The following GCNT2 variants were observed in gnomAD, a reference collection of about 807,000 sequenced individuals.
GCNT2 encodes the protein N-acetyllactosaminide beta-1,6-N-acetylglucosaminyl-transferase.
GCNT2 carries 34 observed loss-of-function variants against 34.2 expected under a neutral mutation model. The observed-to-expected ratio is 1.00, with a 90% CI of 0.76 to 1.32. The LOEUF (loss-of-function observed/expected upper bound fraction) is 1.32. Ranked by LOEUF, GCNT2 falls within the 40% of genes most tolerant of loss-of-function variation. GCNT2 has a pLI of 0.00. For missense variants in GCNT2, 584 were observed against 489.4 expected (o/e 1.19, Z -1.82); for synonymous variants, 212 against 188.0 (o/e 1.13, Z -1.04).
At chr6:10,585,784 C>T in intron 3 of GCNT2, 2 of 1,433,616 alleles carry the variant, frequency 1.4e-6, no homozygotes, top group Middle Eastern at 5.0e-4. Context: ...GAGAGGGACG[C>T]ACCGCATCTC....
intron 3 of GCNT2, among the ~76,000 whole-genome samples, chr6:10,598,076 T>G (rs1279673364): frequency 6.6e-6 from 1 of 152,186 alleles, no homozygotes; most frequent in African/African-American, 2.4e-5. Context: ...AGTTTCCTCA[T>G]GTGTAAAATG....
intron 3 of GCNT2, among the ~76,000 whole-genome samples, chr6:10,592,040 C>T (rs979947657): frequency 2.0e-5 from 3 of 152,134 alleles, no homozygotes; most frequent in East Asian, 3.9e-4. Context: ...TGATTGGACC[C>T]GTGACTGAGA....
intron 3 of GCNT2, among the ~76,000 whole-genome samples, chr6:10,613,079 A>G (rs866891768): frequency 5.9e-5 from 9 of 152,364 alleles, no homozygotes; most frequent in Middle Eastern, 3.4e-3. Context: ...TAAAAAGTAT[A>G]TATGTGAGCT....
chr6:10,552,439 C>A (rs1453092597), intron 3 of GCNT2, among the ~76,000 whole-genome samples: 1 of 151,936 alleles, frequency 6.6e-6, no homozygotes. Context: ...TCCTTGGATT[C>A]GACCTTGGGC....
At position 10,529,671 on chromosome 6, in the gene GCNT2, C is replaced by T. The variant is rs1340124791; in HGVS notation, c.760C>T (p.Pro254Ser). ...VIKTTKLKTP[P>S]PHDMVIYFGT... ...TAAAACAACAAAATTAAAAACTCCT[C>T]CTCCTCATGACATGGTGATTTACTT... The change falls in exon 3 of 5, where the codon CCT becomes TCT. Residue 254 changes from proline (P) to serine (S), a missense_variant. Transcript: ENST00000495262. The T allele has an allele frequency of 6.2e-7, 1 of 1,613,980 alleles. No individual in the cohort carries two copies. Among genetic ancestry groups the T allele is most frequent in the Admixed American group, 1.7e-5 (1 of 59,992 alleles).
intron 3 of GCNT2, among the ~76,000 whole-genome samples, chr6:10,617,722 C>T (rs890396761): frequency 6.6e-6 from 1 of 150,828 alleles, no homozygotes; most frequent in Non-Finnish European, 1.5e-5. Flanking sequence ...GCATGGGCCA[C>T]TGCACCTGGC....
At chr6:10,558,230 T>G (rs1762812301) in intron 3 of GCNT2, among the ~76,000 whole-genome samples, 1 of 152,228 alleles carries the variant, frequency 6.6e-6, no homozygotes, top group Non-Finnish European at 1.5e-5. Context: ...TCTCATTAAC[T>G]GCTCCTCAGT....
intron 3 of GCNT2, among the ~76,000 whole-genome samples, chr6:10,590,911 C>T (rs1406984283): frequency 1.3e-5 from 2 of 152,172 alleles, no homozygotes; most frequent in Admixed American, 6.5e-5. Context: ...GAATGTCCTT[C>T]GTGTTTGATG....
At chr6:10,532,750 C>G (rs1336049483) in intron 3 of GCNT2, among the ~76,000 whole-genome samples, 1 of 152,034 alleles carries the variant, frequency 6.6e-6, no homozygotes, top group East Asian at 1.9e-4. Flanking sequence ...TCGGGCAAGC[C>G]CTGCCAACTC....
chr6:10,612,346 G>C (rs2127436612), intron 3 of GCNT2, among the ~76,000 whole-genome samples: 2 of 152,232 alleles, frequency 1.3e-5, no homozygotes, highest in South Asian at 4.2e-4. Context: ...TTGCACCTGA[G>C]GGGACATTTG....
chr6:10,567,838 C>T (rs1473546893), intron 3 of GCNT2, among the ~76,000 whole-genome samples: 1 of 152,176 alleles, frequency 6.6e-6, no homozygotes, highest in Non-Finnish European at 1.5e-5. Flanking sequence ...TTTGACTTTG[C>T]CCTCGAACTC....
rs1428111393 is a variant in GCNT2 at position 10,628,277 on chromosome 6, T to C, written c.*1670T>C. On this transcript the variant is annotated 3_prime_UTR_variant, in exon 5 of 5. Transcript: ENST00000495262. ...AAACCGTTGAGTTTCTAAATATTTA[T>C]TTATTCTAACAAAAAGCAATTACTA... 1 of 152,660 alleles carries C rather than the reference T, an allele frequency of 6.6e-6. No homozygotes were observed. Among genetic ancestry groups the C allele is most frequent in the Non-Finnish European group, 1.5e-5 (1 of 68,036 alleles). 9.5% of individuals were successfully genotyped at this position (152,660 alleles called of 1,614,324 possible).
chr6:10,585,484 C>A (rs1764303507), intron 3 of GCNT2, among the ~76,000 whole-genome samples: 1 of 152,054 alleles, frequency 6.6e-6, no homozygotes, highest in African/African-American at 2.4e-5. Context: ...CTAAGGACTG[C>A]CAGCAGGTTG....
chr6:10,568,414 A>C (rs143603670), intron 3 of GCNT2, among the ~76,000 whole-genome samples: 17 of 151,568 alleles, frequency 1.1e-4, no homozygotes, highest in Admixed American at 1.1e-3. Flanking sequence ...AGCAAGTTCT[A>C]CCCTTCCTGT....
Position 10,529,434 on chromosome 6 carries a change from GA to G in GCNT2, c.525del (p.Asp176ThrfsTer22), listed in dbSNP as rs1276080630. On this transcript the variant is annotated frameshift_variant, in exon 3 of 5. Transcript: ENST00000495262. LOFTEE classifies it high-confidence loss of function. ...SRLQADLNCL[E>X]DLVASEVPWK... ...GCTCCAGGCTGACCTGAACTGCCTGGAAGACCTTGTGGCCTCTGAAGTTCCC... is the reference window on the plus strand; with the variant it reads ...GCTCCAGGCTGACCTGAACTGCCTGGAGACCTTGTGGCCTCTGAAGTTCCC... 16 of 1,614,024 alleles carry G rather than the reference GA, an allele frequency of 9.9e-6. No individual in the cohort carries two copies. The highest frequency in any genetic ancestry group is 1.4e-5 in the Non-Finnish European group (16 of 1,180,016).
At chr6:10,563,587 C>G (rs1454121248) in intron 3 of GCNT2, among the ~76,000 whole-genome samples, 1 of 150,956 alleles carries the variant, frequency 6.6e-6, no homozygotes, top group African/African-American at 2.4e-5. Flanking sequence ...ACTAAAAATA[C>G]AAAAATTAGC....
Position 10,544,432 on chromosome 6 carries a change from A to G in GCNT2, c.925+14596A>G, listed in dbSNP as rs572984300. Among the ~76,000 whole-genome samples, 356 of 150,276 alleles carry G rather than the reference A, an allele frequency of 2.4e-3. 2 individuals are homozygous for G. The highest frequency in any genetic ancestry group is 8.4e-3 in the African/African-American group (344 of 40,828). ...AGTCTGGCTAACTTGGTGAAACCCCATCTCTACTAAAAACGCAAAAAAATT... is the reference window on the plus strand; with the variant it reads ...AGTCTGGCTAACTTGGTGAAACCCCGTCTCTACTAAAAACGCAAAAAAATT... On this transcript the variant is annotated intron_variant, in intron 3 of 4. Coordinates refer to ENST00000495262, the MANE Select transcript of GCNT2 (RefSeq NM_145649.5).
intron 3 of GCNT2, among the ~76,000 whole-genome samples, chr6:10,551,498 T>G (rs1250256995): frequency 1.3e-5 from 2 of 151,360 alleles, no homozygotes; most frequent in East Asian, 3.9e-4. Flanking sequence ...CAGGCTGGAG[T>G]GCAACGGCAC....
chr6:10,599,605 G>A (rs1467794381), intron 3 of GCNT2, among the ~76,000 whole-genome samples: 2 of 152,160 alleles, frequency 1.3e-5, no homozygotes, highest in African/African-American at 4.8e-5. Context: ...TGAGAGCTAT[G>A]GTAGAATGAA....
Sources: gnomAD v4.1 joint callset for allele counts (sites outside exome capture counted in the v4.1 genomes callset) on GRCh38, gnomAD v4.1.1 for gene constraint, MANE v1.5 for transcripts, NCBI Gene and HGNC (gene_info 2026-07-23, HGNC 2026-07-21) for gene names.